Variants in ATP2B4 observed in about 807,000 individuals in gnomAD.
The protein encoded by ATP2B4 is plasma membrane calcium-transporting ATPase 4.
Under a neutral mutation model 110.3 loss-of-function variants are expected in ATP2B4, and 39 were observed. The ratio of observed to expected loss-of-function variants is 0.35; its 90% confidence interval spans 0.27 to 0.46. The LOEUF (loss-of-function observed/expected upper bound fraction) is 0.46. Ranked by LOEUF, ATP2B4 falls within the 20% of genes least tolerant of loss-of-function variation. The pLI is 1.00. For missense variants in ATP2B4, 1,135 were observed against 1,530.9 expected (o/e 0.74, Z 4.32); for synonymous variants, 538 against 571.7 (o/e 0.94, Z 0.84).
intron 1 of ATP2B4, chr1:203,657,666 G>A (rs1664203078): frequency 3.8e-6 from 3 of 789,630 alleles, no homozygotes; most frequent in Non-Finnish European, 7.0e-6. Flanking sequence ...TCGTTCATAA[G>A]CCTCTCAGCT....
intron 2 of ATP2B4, among the ~76,000 whole-genome samples, chr1:203,697,225 T>C (rs1247682629): frequency 6.6e-6 from 1 of 152,230 alleles, no homozygotes; most frequent in African/African-American, 2.4e-5. Flanking sequence ...CCACAAGTTA[T>C]AGTCTTAAAG....
At chr1:203,632,528 A>G (rs1424568511) in intron 1 of ATP2B4, among the ~76,000 whole-genome samples, 2 of 151,630 alleles carry the variant, frequency 1.3e-5, no homozygotes, top group East Asian at 1.9e-4. Context: ...TATTTTTAGT[A>G]GAGACAGGGT....
chr1:203,699,952 G>A lies in ATP2B4; in HGVS notation c.649+235G>A, dbSNP rs184077719. On this transcript the variant is annotated intron_variant, in intron 4 of 20. Coordinates refer to ENST00000357681, the MANE Select transcript of ATP2B4 (RefSeq NM_001684.5). ...CCCTGTGTGTCTTAGGGTTAAAAGT[G>A]TATAACATTCAGGCCATGGAAAGGT... Among the ~76,000 whole-genome samples the A allele has an allele frequency of 2.9e-3, 448 of 152,328 alleles. 3 individuals carry two copies. Among genetic ancestry groups the A allele is most frequent in the Admixed American group, 4.5e-3 (69 of 15,302 alleles).
At chr1:203,678,183 T>C (rs1664885140) in intron 1 of ATP2B4, among the ~76,000 whole-genome samples, 1 of 152,202 alleles carries the variant, frequency 6.6e-6, no homozygotes, top group Admixed American at 6.5e-5. Flanking sequence ...GGTGAGTTCC[T>C]TTCATATTTT....
rs1176954717 is a variant in ATP2B4, at chr1:203,626,880, T to A, written c.-804T>A. 6.7e-6 allele frequency: 1 copy of A among 149,280 alleles called. No individual in the cohort carries two copies. Among genetic ancestry groups the A allele is most frequent in the African/African-American group, 2.5e-5 (1 of 40,808 alleles). 9.2% of individuals were successfully genotyped at this position (149,280 alleles called of 1,614,324 possible). On this transcript the variant is annotated 5_prime_UTR_variant, in exon 1 of 21. Transcript: ENST00000357681. The stretch of plus-strand genomic sequence containing the variant: ...GACAAGCATTTTCTTAAGAAAGCTC[T>A]GCTGTTGAGATCGTCCAAAGCTGGG...
intron 1 of ATP2B4, among the ~76,000 whole-genome samples, chr1:203,632,187 A>G (rs893917696): frequency 6.6e-6 from 1 of 152,016 alleles, no homozygotes; most frequent in Non-Finnish European, 1.5e-5. Context: ...AGTCCATACA[A>G]TAGAATCCTA....
intron 1 of ATP2B4, among the ~76,000 whole-genome samples, chr1:203,649,573 C>G (rs1377485920): frequency 6.6e-6 from 1 of 152,076 alleles, no homozygotes; most frequent in Non-Finnish European, 1.5e-5. Flanking sequence ...GAGTTCGAGA[C>G]CAGTCTGAGT....
intron 1 of ATP2B4, among the ~76,000 whole-genome samples, chr1:203,674,747 C>T (rs1197418455): frequency 1.4e-5 from 2 of 144,628 alleles, no homozygotes; most frequent in Non-Finnish European, 3.0e-5. Context: ...ACCTCCATCT[C>T]CCGGGTTCAA....
chr1:203,699,786 G>A (rs566247885), intron 4 of ATP2B4, 69 bp downstream of exon 4: 22 of 1,579,728 alleles, frequency 1.4e-5, no homozygotes, highest in Non-Finnish European at 1.9e-5. Context: ...CCTTTGGCAT[G>A]AGGGGGCTGG....
chr1:203,727,887 C>T (rs1358586267), intron 20 of ATP2B4: 1 of 380,758 alleles, frequency 2.6e-6, no homozygotes, highest in South Asian at 2.5e-5. Context: ...CTTGCAAGCA[C>T]TAGACCTGAC....
chr1:203,638,183 C>T (rs984031204), intron 1 of ATP2B4, among the ~76,000 whole-genome samples: 1 of 152,184 alleles, frequency 6.6e-6, no homozygotes, highest in African/African-American at 2.4e-5. Context: ...ACACTCAGAG[C>T]ATCCTGGAGA....
intron 1 of ATP2B4, among the ~76,000 whole-genome samples, chr1:203,634,994 G>T (rs1663395888): frequency 6.6e-6 from 1 of 151,858 alleles, no homozygotes; most frequent in African/African-American, 2.4e-5. Context: ...TATTTTTTGA[G>T]ATGGAGTTTT....
chr1:203,667,437 G>T (rs1031498526), intron 1 of ATP2B4, among the ~76,000 whole-genome samples: 2 of 152,214 alleles, frequency 1.3e-5, no homozygotes, highest in Non-Finnish European at 2.9e-5. Context: ...CTGGAGTGTG[G>T]CCTATACTTA....
chr1:203,671,897 A>G (rs751527545), intron 1 of ATP2B4, among the ~76,000 whole-genome samples: 4 of 152,216 alleles, frequency 2.6e-5, no homozygotes, highest in Non-Finnish European at 4.4e-5. Context: ...AGCTAGAGTG[A>G]GCAGGCTCCT....
chr1:203,694,638 G>A (rs186472654), intron 2 of ATP2B4, among the ~76,000 whole-genome samples: 148 of 152,274 alleles, frequency 9.7e-4, no homozygotes, highest in Non-Finnish European at 1.2e-3. Flanking sequence ...TAAGGGTCCT[G>A]GAAGCCCATC....
intron 14 of ATP2B4, 31 bp downstream of exon 14, chr1:203,713,283 A>G (rs1413486103): frequency 2.5e-6 from 4 of 1,610,790 alleles, no homozygotes; most frequent in Non-Finnish European, 3.4e-6. Flanking sequence ...GGTGCCTGCA[A>G]CAGCTGAAGG....
intron 1 of ATP2B4, among the ~76,000 whole-genome samples, chr1:203,628,148 C>A (rs561123033): frequency 7.9e-5 from 12 of 152,366 alleles, no homozygotes; most frequent in African/African-American, 2.9e-4. Flanking sequence ...TCTCGGGCCA[C>A]TGCCTTGGCT....
Position 203,713,197 on chromosome 1 carries a change from T to C in ATP2B4, c.2244T>C (p.Pro748=). The C allele has an allele frequency of 6.2e-7, 1 of 1,614,198 alleles. No homozygotes were observed. The highest frequency in any genetic ancestry group is 8.5e-7 in the Non-Finnish European group (1 of 1,180,016). Residue 748 remains proline (P), a synonymous_variant, in exon 14 of 21, where the codon CCT becomes CCC. Coordinates refer to ENST00000357681, the MANE Select transcript of ATP2B4 (RefSeq NM_001684.5). ...VEQEKLDKIW[P]KLRVLARSSP... is the part of the protein sequence containing the mutation. The stretch of plus-strand genomic sequence containing the variant: ...AAGAAAAGCTGGACAAGATCTGGCC[T>C]AAGCTTCGGGTCCTGGCGCGATCTT...
chr1:203,725,738 G>A lies in ATP2B4; in HGVS notation c.3133-1657G>A, dbSNP rs111671671. ...CTCTCTTTACAGACCCCAGGTCTCT[G>A]CAGATAATCCCTTAGTGTCCAGCCA... is the stretch of plus-strand genomic sequence containing the variant. On this transcript the variant is annotated intron_variant, in intron 19 of 20. Transcript: ENST00000357681. Among the ~76,000 whole-genome samples the A allele has an allele frequency of 2.6e-3, 402 of 151,932 alleles. 1 individual carries two copies. Among genetic ancestry groups the A allele is most frequent in the African/African-American group, 9.2e-3 (382 of 41,436 alleles).
Sources: gnomAD v4.1 joint callset for allele counts (sites outside exome capture counted in the v4.1 genomes callset) on GRCh38, gnomAD v4.1.1 for gene constraint, MANE v1.5 for transcripts, NCBI Gene and HGNC (gene_info 2026-07-23, HGNC 2026-07-21) for gene names.